SUB1: variants seen among roughly 807,000 people sequenced by gnomAD.
SUB1 encodes activated RNA polymerase II transcriptional coactivator p15.
In SUB1, 1 loss-of-function variant was observed where a neutral mutation model predicts 16.9. The observed-to-expected ratio is 0.06, with a 90% CI of 0.02 to 0.28. SUB1 has a LOEUF of 0.28. Among genes scored for constraint, SUB1 ranks in the 10% least tolerant of loss-of-function variants. The probability of loss-of-function intolerance (pLI) is 1.00; values close to 1 mark genes in which losing one functional copy is unlikely to be tolerated. For synonymous variants in SUB1, 51 were observed against 46.9 expected (o/e 1.09, Z -0.36); for missense variants, 84 against 145.2 (o/e 0.58, Z 2.16).
chr5:32,589,890 A>G (rs529944877), intron 2 of SUB1, among the ~76,000 whole-genome samples: 2 of 152,164 alleles, frequency 1.3e-5, no homozygotes, highest in Non-Finnish European at 2.9e-5. Context: ...AATTTTAGCT[A>G]AAAGAAAAGG....
intron 3 of SUB1, among the ~76,000 whole-genome samples, chr5:32,591,920 G>C (rs931825656): frequency 1.5e-4 from 23 of 152,086 alleles, no homozygotes; most frequent in Admixed American, 9.8e-4. Context: ...GGCTGGTCTT[G>C]AACTCCTGAC....
In SUB1 at chr5:32,603,058, A is replaced by G. The variant is rs1486521441; in HGVS notation, c.*1974A>G. 6.6e-6 allele frequency: 1 copy of G among 152,140 alleles called. No homozygotes were observed. The allele number at this position is 152,140 out of a possible 1,614,324, so 9.4% of individuals were successfully genotyped here. A position where few individuals can be genotyped will look rare whatever the true frequency, so the allele number is the denominator to read the frequency against. On this transcript the variant is annotated 3_prime_UTR_variant, in exon 5 of 5. Coordinates refer to ENST00000265073, the MANE Select transcript of SUB1 (RefSeq NM_006713.4). ...ATGCATTTTGAAACAATCTACTAAC[A>G]GATGGTGCTGAAATCTATTACCTAC...
chr5:32,586,072 A>G (rs1474091960), intron 1 of SUB1: 1 of 152,354 alleles, frequency 6.6e-6, no homozygotes, highest in Non-Finnish European at 1.5e-5. Context: ...GGCCGGGGGA[A>G]GAACGGCTGA....
chr5:32,591,984 C>T (rs939473571), intron 3 of SUB1, among the ~76,000 whole-genome samples: 1 of 152,218 alleles, frequency 6.6e-6, no homozygotes, highest in African/African-American at 2.4e-5. Flanking sequence ...AGGTGTGAGC[C>T]ACCATGCCTT....
At chr5:32,591,016 G>A (rs554980541) in intron 2 of SUB1, among the ~76,000 whole-genome samples, 2 of 151,894 alleles carry the variant, frequency 1.3e-5, no homozygotes, top group East Asian at 3.9e-4. Context: ...TGATCCTCCC[G>A]CCTCGGACTC....
chr5:32,599,546 A>G (rs1739065696), intron 4 of SUB1, among the ~76,000 whole-genome samples: 1 of 152,222 alleles, frequency 6.6e-6, no homozygotes, highest in Non-Finnish European at 1.5e-5. Flanking sequence ...ATTTTGTATA[A>G]TTCACCAAAC....
chr5:32,586,197 C>T (rs1309199584), intron 1 of SUB1: 3 of 152,310 alleles, frequency 2.0e-5, no homozygotes, highest in African/African-American at 7.2e-5. Context: ...TCCGACCAAC[C>T]TGTCTCCCCT....
Position 32,591,688 on chromosome 5 carries a change from A to G in SUB1, c.195+3A>G. ...GCAGAGATGATAACATGTTTCAGGT[A>G]AAGTTGGCTATTTTTTTTTTTTTTT... On this transcript the variant is annotated splice_donor_region_variant and intron_variant, in intron 3 of 4. Coordinates refer to ENST00000265073, the MANE Select transcript of SUB1 (RefSeq NM_006713.4). 2 of 1,557,832 alleles carry G rather than the reference A, an allele frequency of 1.3e-6. No individual in the cohort carries two copies. The highest frequency in any genetic ancestry group is 1.7e-6 in the Non-Finnish European group (2 of 1,158,568).
intron 3 of SUB1, chr5:32,597,407 C>T (rs1376991110): frequency 6.6e-6 from 1 of 151,760 alleles, no homozygotes; most frequent in African/African-American, 2.4e-5. Flanking sequence ...ATTGATATTC[C>T]ATTGTGTGTC....
chr5:32,593,358 G>T (rs1409454770), intron 3 of SUB1, among the ~76,000 whole-genome samples: 1 of 152,028 alleles, frequency 6.6e-6, no homozygotes, highest in Non-Finnish European at 1.5e-5. Context: ...TGTATATTTT[G>T]ACCTGTTGAT....
chr5:32,596,972 T>A (rs1189595301), intron 3 of SUB1: 2 of 152,242 alleles, frequency 1.3e-5, no homozygotes, highest in Non-Finnish European at 1.5e-5. Flanking sequence ...GCATTAAAGA[T>A]GTTATTTGAA....
intron 3 of SUB1, chr5:32,596,029 G>A (rs1217352314): frequency 1.3e-5 from 2 of 152,104 alleles, no homozygotes; most frequent in African/African-American, 4.8e-5. Flanking sequence ...TTTGTCAGAT[G>A]TAAGTATAAT....
At chr5:32,591,709 T>C in intron 3 of SUB1, 24 bp downstream of exon 3, 1 of 1,557,532 alleles carries the variant, frequency 6.4e-7, no homozygotes, top group Non-Finnish European at 8.6e-7. Flanking sequence ...TTTTTTTTTT[T>C]TTTTTTTTTG....
chr5:32,588,499 AT>A lies in SUB1; in HGVS notation c.-1-8del. On this transcript the variant is annotated splice_polypyrimidine_tract_variant and intron_variant, in intron 1 of 4. Transcript: ENST00000265073. Reference sequence around the variant, plus strand: ...ACCTTATTAATTATTTTTGTAATGTATTTTTCTTTCAGGATGCCTAAATCAA... The same window carrying A: ...ACCTTATTAATTATTTTTGTAATGTATTTTCTTTCAGGATGCCTAAATCAA... 2 of 1,609,198 alleles carry A rather than the reference AT, an allele frequency of 1.2e-6. No homozygotes were observed. Among genetic ancestry groups the A allele is most frequent in the Non-Finnish European group, 1.7e-6 (2 of 1,177,650 alleles).
At chr5:32,588,655 G>A (rs553245887) in intron 2 of SUB1, 71 bp downstream of exon 2, 17 of 1,451,226 alleles carry the variant, frequency 1.2e-5, no homozygotes, top group Middle Eastern at 1.8e-4. Flanking sequence ...CTGAAGGATA[G>A]TAAAAGGTGT....
rs372717949 is a variant in SUB1, at chr5:32,594,659, C to T, written c.195+2974C>T. 1.3e-5 allele frequency: 6 copies of T among 447,986 alleles called. No individual in the cohort carries two copies. In the East Asian group the frequency reaches 2.8e-4, roughly 21 times the overall value. 27.8% of individuals were successfully genotyped at this position (447,986 alleles called of 1,614,324 possible). The stretch of plus-strand genomic sequence containing the variant: ...AACATTGCAGCCCGAGCTCTGCCTC[C>T]TGTCAGATCAGCAGCGGCATTAGAT... On this transcript the variant is annotated intron_variant, in intron 3 of 4. Transcript: ENST00000265073.
intron 2 of SUB1, 187 bp from the exon 3 acceptor site, chr5:32,591,376 C>A: frequency 1.4e-6 from 1 of 713,334 alleles, no homozygotes; most frequent in Non-Finnish European, 2.0e-6. Context: ...AGTTTGAAAA[C>A]ATTACTAGAC....
In SUB1 at chr5:32,591,445, T is replaced by C; in HGVS notation, c.73-118T>C. Reference sequence around the variant, plus strand: ...GAGTGAAACTTGCTTATGTATATATTTATGATATTTTGGATGTAGTCTTTT... The same window carrying C: ...GAGTGAAACTTGCTTATGTATATATCTATGATATTTTGGATGTAGTCTTTT... On this transcript the variant is annotated intron_variant, in intron 2 of 4. Transcript: ENST00000265073. The C allele has an allele frequency of 4.5e-6, 6 of 1,343,920 alleles. No homozygotes were observed. In the South Asian group the frequency reaches 1.0e-4, roughly 23 times the overall value. The allele number at this position is 1,343,920 out of a possible 1,614,324, so 83.2% of individuals were successfully genotyped here. A position where few individuals can be genotyped will look rare whatever the true frequency, so the allele number is the denominator to read the frequency against.
chr5:32,599,444 T>C (rs1459732375), intron 4 of SUB1, among the ~76,000 whole-genome samples: 1 of 152,252 alleles, frequency 6.6e-6, no homozygotes, highest in African/African-American at 2.4e-5. Context: ...TCCTAAAAGC[T>C]ATTCTTTAGG....
Sources: gnomAD v4.1 joint callset for allele counts (sites outside exome capture counted in the v4.1 genomes callset) on GRCh38, gnomAD v4.1.1 for gene constraint, MANE v1.5 for transcripts, NCBI Gene and HGNC (gene_info 2026-07-23, HGNC 2026-07-21) for gene names.